Variants in WNT3 observed in about 807,000 individuals in gnomAD.
WNT3 encodes proto-oncogene Wnt-3.
In WNT3, 7 loss-of-function variants were observed where a neutral mutation model predicts 34.2. The observed-to-expected ratio is 0.20, with a 90% CI of 0.12 to 0.38. The LOEUF (loss-of-function observed/expected upper bound fraction) is 0.38, where lower values mean the gene tolerates loss of function less well. WNT3 is among the 10% of genes least tolerant of loss of function. WNT3 has a pLI of 1.00. For synonymous variants in WNT3, 212 were observed against 211.5 expected, an observed-to-expected ratio of 1.00 and a Z score of -0.02; for missense variants, 267 against 499.8, an observed-to-expected ratio of 0.53 and a Z score of 4.44.
At chr17:46,800,828 G>A (rs549474141) in intron 1 of WNT3, among the ~76,000 whole-genome samples, 34 of 152,278 alleles carry the variant, frequency 2.2e-4, no homozygotes, top group African/African-American at 7.9e-4. Flanking sequence ...GTGCTCAGAA[G>A]GGCCTTTGCT....
chr17:46,798,470 CAGG>C (rs2084082256), intron 1 of WNT3, among the ~76,000 whole-genome samples: 1 of 152,184 alleles, frequency 6.6e-6, no homozygotes, highest in Admixed American at 6.5e-5. Context: ...GATCAGCTTG[CAGG>C]AGAATAGCTG....
At chr17:46,790,299 C>T (rs1262241645) in intron 1 of WNT3, among the ~76,000 whole-genome samples, 1 of 152,178 alleles carries the variant, frequency 6.6e-6, no homozygotes, top group Non-Finnish European at 1.5e-5. Flanking sequence ...GACTTCATTA[C>T]ACATTCCAGC....
At chr17:46,787,957 GAA>G (rs58426374) in intron 1 of WNT3, among the ~76,000 whole-genome samples, 23 of 98,410 alleles carry the variant, frequency 2.3e-4, no homozygotes, top group Admixed American at 4.5e-4. Flanking sequence ...CTCTGCCTCA[GAA>G]AAAAAAAAAA....
intron 1 of WNT3, among the ~76,000 whole-genome samples, chr17:46,783,440 AG>A (rs2059478684): frequency 6.6e-6 from 1 of 152,196 alleles, no homozygotes; most frequent in South Asian, 2.1e-4. Context: ...GCAGGGTTCC[AG>A]GTTCTGGGAA....
chr17:46,792,844 T>C (rs1174028573), intron 1 of WNT3, among the ~76,000 whole-genome samples: 1 of 152,134 alleles, frequency 6.6e-6, no homozygotes, highest in Non-Finnish European at 1.5e-5. Context: ...TGTAAAGCAC[T>C]TTACATAGAA....
chr17:46,815,966 A>G (rs954347556), intron 1 of WNT3, among the ~76,000 whole-genome samples: 2 of 152,192 alleles, frequency 1.3e-5, no homozygotes, highest in African/African-American at 4.8e-5. Context: ...AGGCGGACTC[A>G]GACACAGCCC....
At chr17:46,811,638 C>T (rs926845586) in intron 1 of WNT3, among the ~76,000 whole-genome samples, 3 of 152,134 alleles carry the variant, frequency 2.0e-5, no homozygotes, top group Admixed American at 6.5e-5. Context: ...CGAAGGAGAG[C>T]GTGGAGTTGC....
intron 1 of WNT3, among the ~76,000 whole-genome samples, chr17:46,785,669 C>G (rs1308124768): frequency 6.6e-6 from 1 of 152,238 alleles, no homozygotes; most frequent in Non-Finnish European, 1.5e-5. Context: ...CAGGGACCAC[C>G]TGAGAGCCCG....
intron 1 of WNT3, among the ~76,000 whole-genome samples, chr17:46,802,791 C>T (rs1277842599): frequency 1.3e-5 from 2 of 152,204 alleles, no homozygotes; most frequent in African/African-American, 4.8e-5. Flanking sequence ...GGCGTGGAAG[C>T]TCAGTGCAGC....
At chr17:46,781,240 A>G (rs2059458274) in intron 1 of WNT3, among the ~76,000 whole-genome samples, 1 of 152,116 alleles carries the variant, frequency 6.6e-6, no homozygotes, top group Admixed American at 6.6e-5. Flanking sequence ...ACCAAAAAAA[A>G]AAAAAGGAAT....
chr17:46,815,225 T>C (rs768033778), intron 1 of WNT3, among the ~76,000 whole-genome samples: 11 of 151,804 alleles, frequency 7.2e-5, no homozygotes, highest in Admixed American at 3.3e-4. Context: ...AGGAGCTAAC[T>C]GGGACTGACA....
chr17:46,774,295 C>T (rs2059397833), intron 1 of WNT3, among the ~76,000 whole-genome samples: 1 of 152,260 alleles, frequency 6.6e-6, no homozygotes. Flanking sequence ...TGGGCAATTT[C>T]CAAGGCAGTC....
intron 1 of WNT3, among the ~76,000 whole-genome samples, chr17:46,788,658 G>A (rs764232904): frequency 2.6e-5 from 4 of 152,200 alleles, no homozygotes; most frequent in African/African-American, 4.8e-5. Flanking sequence ...CTCCATTGAT[G>A]GTGAGTTTTT....
chr17:46,810,526 G>A (rs2146462259), intron 1 of WNT3, among the ~76,000 whole-genome samples: 1 of 152,284 alleles, frequency 6.6e-6, no homozygotes, highest in African/African-American at 2.4e-5. Flanking sequence ...GCTCTTCACG[G>A]CCCTGCAAGC....
chr17:46,772,615 G>C (rs969323140), intron 2 of WNT3, among the ~76,000 whole-genome samples: 1 of 152,226 alleles, frequency 6.6e-6, no homozygotes, highest in Non-Finnish European at 1.5e-5. Context: ...GGCAATAGAA[G>C]CGTAAACAGA....
intron 1 of WNT3, among the ~76,000 whole-genome samples, chr17:46,814,723 C>A (rs180999084): frequency 6.6e-6 from 1 of 152,364 alleles, no homozygotes; most frequent in African/African-American, 2.4e-5. Flanking sequence ...TCCTCCCCCG[C>A]AGTCTCCAGG....
chr17:46,771,110 T>TGGCTCCCGCGGCCGCTCTCCGC (rs1448022529), intron 2 of WNT3, among the ~76,000 whole-genome samples: 10 of 152,170 alleles, frequency 6.6e-5, no homozygotes, highest in Admixed American at 6.5e-4. Flanking sequence ...GGACCCCTCT[T>TGGCTCCCGCGGCCGCTCTCCGC]GGCTCCCGCG....
rs917099922 is a variant in WNT3, at chr17:46,764,442, T to C, written c.*188A>G. 6.6e-6 allele frequency: 1 copy of C among 152,460 alleles called. No homozygotes were observed. The highest frequency in any genetic ancestry group is 1.5e-5 in the Non-Finnish European group (1 of 68,082). 9.4% of individuals were successfully genotyped at this position (152,460 alleles called of 1,614,324 possible). A position where few individuals can be genotyped will look rare whatever the true frequency, so the allele number is the denominator to read the frequency against. ...CCAGAGTAGGGTGAGAAATGTAAGA[T>C]GAGAGAGAGGGAGAGCCTCCCCGTC... On this transcript the variant is annotated 3_prime_UTR_variant, in exon 5 of 5. Coordinates refer to ENST00000225512, the MANE Select transcript of WNT3 (RefSeq NM_030753.5).
chr17:46,779,386 C>T (rs2059441667), intron 1 of WNT3, among the ~76,000 whole-genome samples: 1 of 152,158 alleles, frequency 6.6e-6, no homozygotes, highest in African/African-American at 2.4e-5. Flanking sequence ...CCTGCCAGGC[C>T]TTCGCAGCTG....
Sources: gnomAD v4.1 joint callset for allele counts (sites outside exome capture counted in the v4.1 genomes callset) on GRCh38, gnomAD v4.1.1 for gene constraint, MANE v1.5 for transcripts, NCBI Gene and HGNC (gene_info 2026-07-23, HGNC 2026-07-21) for gene names.